SEPTIN9: variants seen among roughly 807,000 people sequenced by gnomAD.
SEPTIN9 encodes the protein septin-9.
SEPTIN9 carries 13 observed loss-of-function variants against 56.6 expected under a neutral mutation model. The ratio of observed to expected loss-of-function variants is 0.23; its 90% CI spans 0.15 to 0.37. The LOEUF (loss-of-function observed/expected upper bound fraction) is 0.37. SEPTIN9 is among the 10% of genes least tolerant of loss of function. The pLI is 1.00. For synonymous variants in SEPTIN9, 332 were observed against 334.1 expected (o/e 0.99, Z 0.07); for missense variants, 650 against 823.1 (o/e 0.79, Z 2.57).
chr17:77,352,601 C>A (rs892877309), intron 2 of SEPTIN9, among the ~76,000 whole-genome samples: 1 of 152,114 alleles, frequency 6.6e-6, no homozygotes, highest in African/African-American at 2.4e-5. Flanking sequence ...CTCGGCCTAC[C>A]CCCCACCTGG....
chr17:77,484,739 G>GCGA (rs1555678607), intron 4 of SEPTIN9, among the ~76,000 whole-genome samples: 1 of 68,600 alleles, frequency 1.5e-5, no homozygotes, highest in African/African-American at 9.5e-5. Context: ...TGTGATGGTG[G>GCGA]TGGTGGTGGT....
In SEPTIN9 at chr17:77,487,521, C is replaced by G; in HGVS notation, c.1011C>G (p.Pro337=). The change falls in exon 5 of 12, where the codon CCC becomes CCG. Residue 337 remains proline, a synonymous_variant. Transcript: ENST00000427177. This position sits in a 1 kb window ranked among gnomAD's most constrained non-coding sequence, Gnocchi z 4.3. Reference sequence around the variant, plus strand: ...AGCCCACCTCAGAGGAGCGCATCCCCAAGACCATCGAGATCAAGTCCATCA... The same window carrying G: ...AGCCCACCTCAGAGGAGCGCATCCCGAAGACCATCGAGATCAAGTCCATCA... ...SVQPTSEERI[P]KTIEIKSITH... is the part of the protein sequence containing the mutation. 6.2e-7 allele frequency: 1 copy of G among 1,613,632 alleles called. No homozygotes were observed. Among genetic ancestry groups the G allele is most frequent in the Non-Finnish European group, 8.5e-7 (1 of 1,179,854 alleles).
In SEPTIN9 at chr17:77,390,023, G is replaced by A. The variant is rs566394118; in HGVS notation, c.77-12036G>A. On this transcript the variant is annotated intron_variant, in intron 2 of 11. Coordinates refer to ENST00000427177, the MANE Select transcript of SEPTIN9 (RefSeq NM_001113491.2). ...GAACCAGGGGCACGCGGTAGATGACGGGAGCAGGCACAGAGAGGCCTTCGT... is the reference window on the plus strand; with the variant it reads ...GAACCAGGGGCACGCGGTAGATGACAGGAGCAGGCACAGAGAGGCCTTCGT... 3.9e-5 allele frequency among the ~76,000 whole-genome samples: 6 copies of A among 152,274 alleles called. No individual in the cohort carries two copies. The East Asian group carries it at 5.8e-4, about 15-fold the overall frequency.
At chr17:77,373,688 C>A (rs1004435674) in intron 2 of SEPTIN9, 2 of 1,381,154 alleles carry the variant, frequency 1.4e-6, no homozygotes, top group Non-Finnish European at 1.9e-6. Context: ...TCCAGGCGCC[C>A]TCCCGCTGAG....
chr17:77,497,577 AC>A, intron 11 of SEPTIN9: 1 of 615,108 alleles, frequency 1.6e-6, no homozygotes, highest in African/African-American at 1.8e-5. Context: ...ATCCTTTTCA[AC>A]CCCTGCGAAG....
At chr17:77,470,164 C>T (rs1162198111) in intron 3 of SEPTIN9, among the ~76,000 whole-genome samples, 2 of 151,190 alleles carry the variant, frequency 1.3e-5, no homozygotes, top group Non-Finnish European at 3.0e-5. Flanking sequence ...CCCATTTATC[C>T]ATCCACTCAA....
chr17:77,390,439 A>C (rs1167965659), intron 2 of SEPTIN9, among the ~76,000 whole-genome samples: 56 of 139,602 alleles, frequency 4.0e-4, no homozygotes, highest in African/African-American at 1.5e-3. Flanking sequence ...AAAAAAAAAA[A>C]CTGCACATTT....
intron 2 of SEPTIN9, among the ~76,000 whole-genome samples, chr17:77,321,085 C>T (rs1038880782): frequency 6.6e-6 from 1 of 152,240 alleles, no homozygotes; most frequent in Non-Finnish European, 1.5e-5. Flanking sequence ...TGCCATCTCA[C>T]GTGGCCAGCG....
chr17:77,428,672 C>T (rs1238357222), intron 3 of SEPTIN9, among the ~76,000 whole-genome samples: 1 of 152,136 alleles, frequency 6.6e-6, no homozygotes, highest in Non-Finnish European at 1.5e-5. Context: ...AGCGACAGCT[C>T]AGGCTACAGA....
At chr17:77,373,415 C>T in intron 2 of SEPTIN9, 1 of 1,293,632 alleles carries the variant, frequency 7.7e-7, no homozygotes. Flanking sequence ...GCGCGGCGCC[C>T]CAGCCAGCGC....
At chr17:77,303,551 A>T (rs1045466366) in intron 1 of SEPTIN9, among the ~76,000 whole-genome samples, 2 of 151,912 alleles carry the variant, frequency 1.3e-5, no homozygotes, top group African/African-American at 4.8e-5. Flanking sequence ...GTCTCTACCG[A>T]ATATACAAAA....
At chr17:77,314,991 G>A (rs1175566302) in intron 2 of SEPTIN9, among the ~76,000 whole-genome samples, 1 of 152,220 alleles carries the variant, frequency 6.6e-6, no homozygotes, top group Non-Finnish European at 1.5e-5. Flanking sequence ...AGCCCAGATT[G>A]TTGTGAGAAG....
rs968568837 is a variant in SEPTIN9 at position 77,326,542 on chromosome 17, G to T, written c.76+19345G>T. Among the ~76,000 whole-genome samples, 7 of 152,246 alleles carry T rather than the reference G, an allele frequency of 4.6e-5. No homozygotes were observed. The highest frequency in any genetic ancestry group is 4.6e-4 in the Admixed American group (7 of 15,294). On this transcript the variant is annotated intron_variant, in intron 2 of 11. Coordinates refer to ENST00000427177, the MANE Select transcript of SEPTIN9 (RefSeq NM_001113491.2). The surrounding 1 kb of genome is among the most constrained non-coding windows in gnomAD (Gnocchi z 5.1). ...GCAATGTGTTCAAAGGCCCTGGGGC[G>T]CGGGGGGCTGAGGCCGGCAGCACGG... is the stretch of plus-strand genomic sequence containing the variant.
intron 3 of SEPTIN9, among the ~76,000 whole-genome samples, chr17:77,408,431 G>A (rs1170526641): frequency 1.3e-5 from 2 of 151,426 alleles, no homozygotes; most frequent in African/African-American, 2.4e-5. Context: ...GAGCGTTGAG[G>A]GAGCAGGGGG....
chr17:77,496,627 G>A (rs1242219492), intron 10 of SEPTIN9, among the ~76,000 whole-genome samples: 3 of 152,242 alleles, frequency 2.0e-5, no homozygotes, highest in African/African-American at 4.8e-5. Flanking sequence ...GTGGGTGCCC[G>A]TGGTCTCCTG....
In SEPTIN9 at chr17:77,307,173, A is replaced by G. The variant is rs751687680; in HGVS notation, c.52A>G (p.Arg18Gly). 2 of 1,613,824 alleles carry G rather than the reference A, an allele frequency of 1.2e-6. No homozygotes were observed. Among genetic ancestry groups the G allele is most frequent in the Non-Finnish European group, 1.7e-6 (2 of 1,179,860 alleles). Residue 18 changes from arginine (R) to glycine (G), a missense_variant, in exon 2 of 12, where the codon AGG becomes GGG. Arg to Gly is a moderately radical substitution (Grantham distance 125). Around this residue, in one of 2 missense-constraint regions of SEPTIN9, gnomAD observed 317 missense variants for 329.1 expected, o/e 0.96. Transcript: ENST00000427177. ...GCGGACCTCCAGTGGCCGGCTCCGG[A>G]GGCTTGGTGACTCCAGTGGCCCAGG... ...GTRTSSGRLR[R>G]LGDSSGPALK...
chr17:77,397,670 G>C (rs2144074029), intron 2 of SEPTIN9, among the ~76,000 whole-genome samples: 1 of 152,166 alleles, frequency 6.6e-6, no homozygotes, highest in East Asian at 1.9e-4. Context: ...TTTTTTTTGA[G>C]ATGAAGTCTT....
At chr17:77,423,591 A>G (rs1459886891) in intron 3 of SEPTIN9, among the ~76,000 whole-genome samples, 3 of 152,186 alleles carry the variant, frequency 2.0e-5, no homozygotes, top group Non-Finnish European at 4.4e-5. Context: ...CAGTGACCCC[A>G]TCTCAGTGCC....
At chr17:77,286,161 C>T (rs926192351) in intron 1 of SEPTIN9, 5 of 152,338 alleles carry the variant, frequency 3.3e-5, no homozygotes, top group African/African-American at 7.2e-5. Context: ...TGTCCTCCGC[C>T]GAGGCCCCTC....
Sources: allele counts gnomAD v4.1 joint callset (sites outside exome capture counted in the v4.1 genomes callset), GRCh38; gene constraint gnomAD v4.1.1; regional missense constraint gnomAD v4.1.1; non-coding constraint Gnocchi (gnomAD v3.1); transcripts MANE v1.5; gene names NCBI Gene and HGNC (gene_info 2026-07-23, HGNC 2026-07-21).